The following SPRTN variants were observed in gnomAD, a reference collection of about 807,000 sequenced individuals.
The protein encoded by SPRTN is SprT-like N-terminal domain, also known as DNA-dependent metalloprotease SPRTN.
Under a neutral mutation model 31.9 loss-of-function variants are expected in SPRTN, and 11 were observed. The ratio of observed to expected loss-of-function variants is 0.34; its 90% CI spans 0.22 to 0.57. SPRTN has a LOEUF of 0.57. Ranked by LOEUF, SPRTN falls within the 20% of genes least tolerant of loss-of-function variation. The pLI is 0.86. For synonymous variants in SPRTN, 185 were observed against 212.1 expected (o/e 0.87, Z 1.11); for missense variants, 482 against 590.1 (o/e 0.82, Z 1.90).
Position 231,351,302 on chromosome 1 carries a change from A to G in SPRTN, c.451-2A>G. On this transcript the variant is annotated splice_acceptor_variant, in intron 3 of 4. Coordinates refer to ENST00000295050, the MANE Select transcript of SPRTN (RefSeq NM_032018.7). LOFTEE classifies it high-confidence loss of function. Reference sequence around the variant, plus strand: ...AATACTAAAAATTCTGTCTCCACTCAGGTATACCATACTTTTCACGATGAG... The same window carrying G: ...AATACTAAAAATTCTGTCTCCACTCGGGTATACCATACTTTTCACGATGAG... The G allele has an allele frequency of 6.3e-7, 1 of 1,576,406 alleles. No individual in the cohort carries two copies. The highest frequency in any genetic ancestry group is 8.6e-7 in the Non-Finnish European group (1 of 1,160,000).
Position 231,354,250 on chromosome 1 carries a change from G to A in SPRTN, c.*889G>A, listed in dbSNP as rs1020452304. The A allele has an allele frequency of 5.1e-6, 5 of 976,416 alleles. No homozygotes were observed. Among genetic ancestry groups the A allele is most frequent in the African/African-American group, 1.8e-5 (1 of 57,022 alleles). 60.5% of individuals were successfully genotyped at this position (976,416 alleles called of 1,614,324 possible). A position where few individuals can be genotyped will look rare whatever the true frequency, so the allele number is the denominator to read the frequency against. The stretch of plus-strand genomic sequence containing the variant: ...AAGGAATACCATTTGTGCATTTTAA[G>A]TAATCTTTTTTAAAAAAAATATTTT... On this transcript the variant is annotated 3_prime_UTR_variant, in exon 5 of 5. Transcript: ENST00000295050.
chr1:231,338,651 C>A (rs749184666), intron 1 of SPRTN, 47 bp downstream of exon 1: 1 of 1,606,054 alleles, frequency 6.2e-7, no homozygotes, highest in South Asian at 1.1e-5. Flanking sequence ...TGGCAGCTTT[C>A]CTGCAGCCCC....
Position 231,353,023 on chromosome 1 carries a change from T to A in SPRTN, c.1132T>A (p.Ser378Thr). The A allele has an allele frequency of 6.2e-7, 1 of 1,614,162 alleles. No homozygotes were observed. Among genetic ancestry groups the A allele is most frequent in the Non-Finnish European group, 8.5e-7 (1 of 1,180,014 alleles). The change falls in exon 5 of 5, where the codon TCC becomes ACC. Residue 378 changes from serine (S) to threonine (T), a missense_variant. Ser to Thr is a moderately conservative substitution (Grantham distance 58). This residue lies in a region of SPRTN where 325 missense variants were observed against 350.2 expected (regional missense o/e 0.93). Coordinates refer to ENST00000295050, the MANE Select transcript of SPRTN (RefSeq NM_032018.7). ...GAGAAGGGTTTCATCTTCTAAGATATCCCTAAGAAATTCTTCAAAAGTAAC... is the reference window on the plus strand; with the variant it reads ...GAGAAGGGTTTCATCTTCTAAGATAACCCTAAGAAATTCTTCAAAAGTAAC... ...SQRRVSSSKISLRNSSKVTES... is the reference protein window; with the variant it reads ...SQRRVSSSKITLRNSSKVTES...
Position 231,338,305 on chromosome 1 carries a change from C to T in SPRTN, c.-79C>T. On this transcript the variant is annotated 5_prime_UTR_variant, in exon 1 of 5. Coordinates refer to ENST00000295050, the MANE Select transcript of SPRTN (RefSeq NM_032018.7). ...TCTCCTAGGAGCTAGTCCTGGTCCT[C>T]GGCTAGGCGGCTTGGGGTCGCGGCG... The T allele has an allele frequency of 2.0e-6, 3 of 1,514,106 alleles. No individual in the cohort carries two copies. The South Asian group carries it at 3.6e-5, about 18-fold the overall frequency. 93.8% of individuals were successfully genotyped at this position (1,514,106 alleles called of 1,614,324 possible).
chr1:231,340,063 A>AC (rs1298017003), intron 2 of SPRTN, 195 bp downstream of exon 2: 23 of 465,698 alleles, frequency 4.9e-5, no homozygotes, highest in Admixed American at 3.6e-4. Flanking sequence ...AAAAAAAAAC[A>AC]AAAAAAAGGC....
chr1:231,341,026 AAG>A (rs1686871370), intron 2 of SPRTN, among the ~76,000 whole-genome samples: 1 of 152,122 alleles, frequency 6.6e-6, no homozygotes, highest in African/African-American at 2.4e-5. Flanking sequence ...TTTGTTTAAA[AAG>A]TAGCTACTAA....
chr1:231,350,906 GCAGTGGGAATGATTCT>G (rs1309979443), intron 3 of SPRTN, among the ~76,000 whole-genome samples: 1 of 152,050 alleles, frequency 6.6e-6, no homozygotes, highest in African/African-American at 2.4e-5. Flanking sequence ...CTTCAATTTA[GCAGTGGGAATGATTCT>G]TATTTTAGTA....
intron 3 of SPRTN, among the ~76,000 whole-genome samples, chr1:231,350,700 A>T (rs1687196822): frequency 6.6e-6 from 1 of 152,168 alleles, no homozygotes; most frequent in Non-Finnish European, 1.5e-5. Flanking sequence ...TGGTAATAGA[A>T]ATATTTATAA....
chr1:231,348,437 A>G (rs1687129109), intron 3 of SPRTN, among the ~76,000 whole-genome samples: 3 of 152,246 alleles, frequency 2.0e-5, no homozygotes, highest in Admixed American at 2.0e-4. Context: ...ATGGCAAATG[A>G]GAGTAGTAAC....
At position 231,339,751 on chromosome 1, in the gene SPRTN, A is replaced by G; in HGVS notation, c.222-18A>G. The G allele has an allele frequency of 1.2e-6, 2 of 1,613,668 alleles. No individual in the cohort carries two copies. The highest frequency in any genetic ancestry group is 8.5e-7 in the Non-Finnish European group (1 of 1,179,604). ...TATTTGGCCAATGTAACACATTTTT[A>G]TGGTGATTGTTTTCTAGGTGTGCTG... On this transcript the variant is annotated intron_variant, in intron 1 of 4. Transcript: ENST00000295050.
rs1234023739 is a variant in SPRTN at position 231,338,423 on chromosome 1, G to A, written c.40G>A (p.Glu14Lys). The change falls in exon 1 of 5, where the codon GAG becomes AAG. Residue 14 changes from glutamate to lysine, a missense_variant. Physicochemically the swap from Glu to Lys is moderately conservative, Grantham distance 56. This residue lies in a region of SPRTN where 157 missense variants were observed against 239.9 expected (regional missense o/e 0.65). Transcript: ENST00000295050. ...DLMLALRLQE[E>K]WNLQEAERDH... ...GATGTTGGCACTGCGGCTTCAGGAG[G>A]AGTGGAACTTGCAGGAGGCGGAGCG... 1 of 1,614,286 alleles carries A rather than the reference G, an allele frequency of 6.2e-7. No homozygotes were observed. The highest frequency in any genetic ancestry group is 8.5e-7 in the Non-Finnish European group (1 of 1,180,050).
intron 2 of SPRTN, among the ~76,000 whole-genome samples, chr1:231,341,694 A>T (rs532644695): frequency 1.6e-4 from 25 of 152,342 alleles, no homozygotes; most frequent in Admixed American, 9.1e-4. Context: ...AGCAAAAAGA[A>T]TATACAATCA....
intron 2 of SPRTN, among the ~76,000 whole-genome samples, chr1:231,347,382 C>G (rs1017919996): frequency 6.6e-6 from 1 of 152,056 alleles, no homozygotes; most frequent in Admixed American, 6.6e-5. Flanking sequence ...TTTTGTGAGA[C>G]AGTGTCTCAT....
chr1:231,346,327 G>T (rs576070865), intron 2 of SPRTN, among the ~76,000 whole-genome samples: 1 of 149,980 alleles, frequency 6.7e-6, no homozygotes, highest in Non-Finnish European at 1.5e-5. Flanking sequence ...TATACTGCTC[G>T]GACTACAGGC....
rs1687223849 is a variant in SPRTN, at chr1:231,351,304, G to C, written c.451G>C (p.Val151Leu). The C allele has an allele frequency of 6.3e-7, 1 of 1,595,380 alleles. No individual in the cohort carries two copies. Among genetic ancestry groups the C allele is most frequent in the Non-Finnish European group, 8.6e-7 (1 of 1,168,914 alleles). The change falls in exon 4 of 5, where the codon GTA (valine) becomes CTA (leucine). Residue 151 changes from valine to leucine, a missense_variant and splice_region_variant. Physicochemically the swap from Val to Leu is conservative, Grantham distance 32. Around this residue, in one of 2 missense-constraint regions of SPRTN, gnomAD observed 157 missense variants for 239.9 expected, o/e 0.65. Coordinates refer to ENST00000295050, the MANE Select transcript of SPRTN (RefSeq NM_032018.7). ...INSLTGANIT[V>L]YHTFHDEVDE... ...TACTAAAAATTCTGTCTCCACTCAG[G>C]TATACCATACTTTTCACGATGAGGT...
rs1025802009 is a variant in SPRTN, at chr1:231,354,942, C to T, written c.*1581C>T. On this transcript the variant is annotated 3_prime_UTR_variant, in exon 5 of 5. Coordinates refer to ENST00000295050, the MANE Select transcript of SPRTN (RefSeq NM_032018.7). ...TCATAACACTGTTAGCAGCCCTTTT[C>T]GTTTTAGACTGGTTGGCTGTTCACA... 2.8e-5 allele frequency: 26 copies of T among 929,454 alleles called. No individual in the cohort carries two copies. The South Asian group carries it at 9.4e-4, about 34-fold the overall frequency. The allele number at this position is 929,454 out of a possible 1,614,324, so 57.6% of individuals were successfully genotyped here.
intron 4 of SPRTN, 42 bp from the exon 5 acceptor site, chr1:231,352,568 G>A: frequency 6.5e-7 from 1 of 1,528,310 alleles, no homozygotes; most frequent in Non-Finnish European, 8.7e-7. Flanking sequence ...TTTCTTTTGA[G>A]TTGAGGCACT....
intron 2 of SPRTN, among the ~76,000 whole-genome samples, chr1:231,340,826 C>G (rs1331068481): frequency 6.6e-6 from 1 of 151,496 alleles, no homozygotes; most frequent in African/African-American, 2.4e-5. Context: ...ATTATCTGTA[C>G]AAAAGAGCAC....
chr1:231,351,299 C>T lies in SPRTN; in HGVS notation c.451-5C>T, dbSNP rs756380490. On this transcript the variant is annotated splice_region_variant and splice_polypyrimidine_tract_variant and intron_variant, in intron 3 of 4. Transcript: ENST00000295050. ...TTGAATACTAAAAATTCTGTCTCCA[C>T]TCAGGTATACCATACTTTTCACGAT... is the stretch of plus-strand genomic sequence containing the variant. 16 of 1,555,448 alleles carry T rather than the reference C, an allele frequency of 1.0e-5. No individual in the cohort carries two copies. Among genetic ancestry groups the T allele is most frequent in the South Asian group, 3.6e-5 (3 of 83,052 alleles).
Sources: allele counts gnomAD v4.1 joint callset (sites outside exome capture counted in the v4.1 genomes callset), GRCh38; gene constraint gnomAD v4.1.1; regional missense constraint gnomAD v4.1.1; transcripts MANE v1.5; gene names NCBI Gene and HGNC (gene_info 2026-07-23, HGNC 2026-07-21).